The following DAPK1 variants were observed in gnomAD, a reference collection of about 807,000 sequenced individuals.
The protein encoded by DAPK1 is death associated protein kinase 1.
Under a neutral mutation model 144.9 loss-of-function variants are expected in DAPK1, and 56 were observed. That is an observed-to-expected ratio of 0.39 (90% CI 0.31 to 0.48). DAPK1 has a LOEUF of 0.48. DAPK1 is among the 20% of genes least tolerant of loss of function. DAPK1 has a pLI of 0.95. For missense variants in DAPK1, 1,454 were observed against 1,875.4 expected (o/e 0.78, Z 4.15); for synonymous variants, 690 against 749.0 (o/e 0.92, Z 1.29).
At chr9:87,650,756 T>C (rs925445139) in intron 16 of DAPK1, among the ~76,000 whole-genome samples, 6 of 152,214 alleles carry the variant, frequency 3.9e-5, no homozygotes, top group African/African-American at 1.4e-4. Context: ...TTTGATAATG[T>C]CTGGGGATAC....
At chr9:87,514,212 G>A (rs974025164) in intron 2 of DAPK1, among the ~76,000 whole-genome samples, 1 of 152,126 alleles carries the variant, frequency 6.6e-6, no homozygotes, top group Admixed American at 6.5e-5. Context: ...CCTGTGGAAT[G>A]AGATGAGAGA....
At chr9:87,497,670 G>A (rs1015494900), upstream of DAPK1, 3 of 182,952 alleles carry the variant, frequency 1.6e-5, no homozygotes, top group Non-Finnish European at 3.4e-5. Context: ...TGTGTGCGGG[G>A]TGTGCGCGGT....
chr9:87,511,286 A>G (rs1161335797), intron 2 of DAPK1, among the ~76,000 whole-genome samples: 3 of 152,110 alleles, frequency 2.0e-5, no homozygotes, highest in African/African-American at 7.2e-5. Context: ...CCACCTTATT[A>G]TGTGCTCATT....
chr9:87,521,916 A>G (rs1384788660), intron 2 of DAPK1, among the ~76,000 whole-genome samples: 2 of 152,212 alleles, frequency 1.3e-5, no homozygotes, highest in East Asian at 3.8e-4. Context: ...TAATGGATTA[A>G]TGCGTTATCG....
intron 2 of DAPK1, among the ~76,000 whole-genome samples, chr9:87,501,215 A>G (rs1047507406): frequency 1.3e-5 from 2 of 152,228 alleles, no homozygotes; most frequent in Admixed American, 1.3e-4. Flanking sequence ...GTAGACCAGT[A>G]TCTAAGATTT....
chr9:87,508,084 C>A (rs1255910393), intron 2 of DAPK1, among the ~76,000 whole-genome samples: 2 of 152,152 alleles, frequency 1.3e-5, no homozygotes, highest in Non-Finnish European at 1.5e-5. Flanking sequence ...ATGCTCTTGG[C>A]TCGCTGCAAC....
At chr9:87,613,265 C>G (rs1473764480) in intron 3 of DAPK1, among the ~76,000 whole-genome samples, 1 of 152,190 alleles carries the variant, frequency 6.6e-6, no homozygotes, top group Non-Finnish European at 1.5e-5. Context: ...GTGCACAGTA[C>G]AGCAGTGTTA....
chr9:87,530,530 A>G, intron 2 of DAPK1, among the ~76,000 whole-genome samples: 1 of 152,222 alleles, frequency 6.6e-6, no homozygotes, highest in Admixed American at 6.5e-5. Flanking sequence ...ATGCAGTCCC[A>G]TGCACTCCCT....
intron 17 of DAPK1, among the ~76,000 whole-genome samples, chr9:87,655,695 T>C (rs1457784501): frequency 6.6e-6 from 1 of 152,182 alleles, no homozygotes; most frequent in Non-Finnish European, 1.5e-5. Context: ...TTCCTCCTTC[T>C]CATATGGAAA....
intron 1 of DAPK1, 78 bp downstream of exon 1, chr9:87,498,185 G>C: frequency 2.5e-6 from 1 of 396,828 alleles, no homozygotes; most frequent in Non-Finnish European, 4.4e-6. Context: ...GGCGCGGTGG[G>C]GTTTGTCCGG....
At chr9:87,501,742 G>C (rs975418445) in intron 2 of DAPK1, among the ~76,000 whole-genome samples, 4 of 152,152 alleles carry the variant, frequency 2.6e-5, no homozygotes, top group African/African-American at 9.7e-5. Flanking sequence ...GTTCGTATTT[G>C]TGTGTACTGC....
intron 3 of DAPK1, chr9:87,633,394 C>A: frequency 1.0e-6 from 1 of 985,164 alleles, no homozygotes; most frequent in Non-Finnish European, 1.2e-6. Context: ...GCCTTCTGGG[C>A]ATCAGTTGAT....
chr9:87,510,788 G>A (rs1340050880), intron 2 of DAPK1, among the ~76,000 whole-genome samples: 1 of 152,114 alleles, frequency 6.6e-6, no homozygotes, highest in Non-Finnish European at 1.5e-5. Flanking sequence ...AAACACATTA[G>A]CTGTTACTTT....
chr9:87,696,478 A>C (rs1404439375), intron 21 of DAPK1, among the ~76,000 whole-genome samples: 4 of 152,312 alleles, frequency 2.6e-5, no homozygotes, highest in Non-Finnish European at 5.9e-5. Flanking sequence ...AATTGATAAG[A>C]AAAGCGGTTC....
At chr9:87,549,061 AC>A (rs574114107) in intron 2 of DAPK1, among the ~76,000 whole-genome samples, 224 of 151,244 alleles carry the variant, frequency 1.5e-3, no homozygotes, top group African/African-American at 5.1e-3. Context: ...TTAACCCAGT[AC>A]CCATTAGCTA....
intron 16 of DAPK1, among the ~76,000 whole-genome samples, chr9:87,650,809 C>G (rs983531710): frequency 5.3e-5 from 8 of 152,196 alleles, no homozygotes; most frequent in African/African-American, 1.9e-4. Context: ...CTACTGGCAT[C>G]TCGTCGATCC....
intron 21 of DAPK1, among the ~76,000 whole-genome samples, chr9:87,690,167 T>C (rs984729879): frequency 6.6e-6 from 1 of 152,168 alleles, no homozygotes; most frequent in Non-Finnish European, 1.5e-5. Flanking sequence ...GTTTGTGTCC[T>C]CTCAGTGTCT....
intron 2 of DAPK1, among the ~76,000 whole-genome samples, chr9:87,525,832 C>G (rs998373152): frequency 6.6e-6 from 1 of 152,178 alleles, no homozygotes; most frequent in Admixed American, 6.5e-5. Context: ...GGTGAGGGCT[C>G]AGTTGCTCTG....
At position 87,706,801 on chromosome 9, in the gene DAPK1, G is replaced by C; in HGVS notation, c.3730G>C (p.Glu1244Gln). The stretch of plus-strand genomic sequence containing the variant: ...TTACCTGAGCCCCCAGCAGCTGCGG[G>C]AGCACCATGAGCCCGTCATGATCTA... ...KHYLSPQQLR[E>Q]HHEPVMIYQP... The change falls in exon 26 of 26, where the codon GAG becomes CAG. Residue 1244 changes from glutamate to glutamine, a missense_variant. Coordinates refer to ENST00000408954, the MANE Select transcript of DAPK1 (RefSeq NM_004938.4). This position sits in a 1 kb window ranked among gnomAD's most constrained non-coding sequence, Gnocchi z 9.0. The C allele has an allele frequency of 2.5e-6, 4 of 1,613,560 alleles. No homozygotes were observed. Among genetic ancestry groups the C allele is most frequent in the Non-Finnish European group, 3.4e-6 (4 of 1,179,912 alleles).
Sources: gnomAD v4.1 joint callset for allele counts (sites outside exome capture counted in the v4.1 genomes callset) on GRCh38, gnomAD v4.1.1 for gene constraint, Gnocchi (gnomAD v3.1) non-coding constraint, MANE v1.5 for transcripts, NCBI Gene and HGNC (gene_info 2026-07-23, HGNC 2026-07-21) for gene names.